SHROOM4: variants seen among roughly 807,000 people sequenced by gnomAD.
SHROOM4 encodes protein Shroom4.
In SHROOM4, 17 loss-of-function variants were observed where a neutral mutation model predicts 80.3. The ratio of observed to expected loss-of-function variants is 0.21; its 90% CI spans 0.14 to 0.32. The LOEUF is 0.32. Among genes scored for constraint, SHROOM4 ranks in the 10% least tolerant of loss-of-function variants. The pLI is 1.00. For synonymous variants in SHROOM4, 400 were observed against 437.5 expected (o/e 0.91, Z 1.07); for missense variants, 993 against 1,140.3 (o/e 0.87, Z 1.86).
At chrX:50,753,350 C>G (rs1161405676) in intron 1 of SHROOM4, among the ~76,000 whole-genome samples, 1 of 112,274 alleles carries the variant, frequency 8.9e-6, no homozygotes, top group Non-Finnish European at 1.9e-5. Context: ...GGGTTTTAAT[C>G]TCATAATTTG....
chrX:50,597,664 T>A (rs1240984515), intron 8 of SHROOM4, among the ~76,000 whole-genome samples: 5 of 111,327 alleles, frequency 4.5e-5, no homozygotes, highest in African/African-American at 1.6e-4. Context: ...TAAACTAATT[T>A]AATTCTCACA....
At chrX:50,740,940 T>C (rs1174289744) in intron 1 of SHROOM4, among the ~76,000 whole-genome samples, 1 of 111,978 alleles carries the variant, frequency 8.9e-6, no homozygotes, top group Non-Finnish European at 1.9e-5. Context: ...ATTTAAGTCT[T>C]TAATCTATTT....
Position 50,607,410 on chromosome X carries a change from T to C in SHROOM4, c.3732A>G (p.Thr1244=), listed in dbSNP as rs781905478. 6 of 1,211,673 alleles carry C rather than the reference T, an allele frequency of 5.0e-6. No individual in the cohort carries two copies. Among genetic ancestry groups the C allele is most frequent in the Non-Finnish European group, 6.7e-6 (6 of 895,499 alleles). The change falls in exon 6 of 9, where the codon ACA becomes ACG. Residue 1244 remains threonine (T), a synonymous_variant. Transcript: ENST00000376020. ...CYYGIGGLWR[T]SGQEATESAK... is the part of the protein sequence containing the mutation. ...CGGATTCAGTGGCTTCCTGTCCCGATGTCCTCCAAAGCCCACCAATGCCAT... is the reference window on the plus strand; with the variant it reads ...CGGATTCAGTGGCTTCCTGTCCCGACGTCCTCCAAAGCCCACCAATGCCAT...
At chrX:50,683,213 T>G (rs1932981374) in intron 2 of SHROOM4, among the ~76,000 whole-genome samples, 1 of 111,574 alleles carries the variant, frequency 9.0e-6, no homozygotes, top group South Asian at 3.8e-4. Context: ...GTTCTGTCCC[T>G]CTAGAGAACT....
In SHROOM4 at chrX:50,597,065, G is replaced by A. The variant is rs782572048; in HGVS notation, c.4213-101C>T. 3.0e-6 allele frequency: 3 copies of A among 1,004,764 alleles called. No individual in the cohort carries two copies. The African/African-American group carries it at 5.6e-5, about 19-fold the overall frequency. 82.8% of individuals were successfully genotyped at this position (1,004,764 alleles called of 1,213,427 possible). Reference sequence around the variant, plus strand: ...CCACCAGAGATGCTGCCACAAAGCAGCTATACATTCTGCTAATTAGTCAGT... The same window carrying A: ...CCACCAGAGATGCTGCCACAAAGCAACTATACATTCTGCTAATTAGTCAGT... On this transcript the variant is annotated intron_variant, in intron 8 of 8. Transcript: ENST00000376020.
In SHROOM4 at chrX:50,594,993, G is replaced by A; in HGVS notation, c.*1702C>T. ...AAATGGAAGCTAGTGACAAGTATTT[G>A]TAACAGCAGCAAAAGTTCCTTGGCA... On this transcript the variant is annotated 3_prime_UTR_variant, in exon 9 of 9. Transcript: ENST00000376020. 1 of 112,575 alleles carries A rather than the reference G, an allele frequency of 8.9e-6. No individual in the cohort carries two copies. 9.3% of individuals were successfully genotyped at this position (112,575 alleles called of 1,213,427 possible). A position where few individuals can be genotyped will look rare whatever the true frequency, so the allele number is the denominator to read the frequency against.
intron 5 of SHROOM4, among the ~76,000 whole-genome samples, chrX:50,623,522 A>AT (rs782806929): frequency 8.9e-6 from 1 of 112,093 alleles, no homozygotes; most frequent in East Asian, 2.8e-4. Flanking sequence ...CACAGTAACA[A>AT]TTAATCTTTG....
chrX:50,795,124 TATGATATATATATATATATATG>T lies in SHROOM4; in HGVS notation c.117+18756_117+18777del, dbSNP rs1935964140. Reference sequence around the variant, plus strand: ...ATGATATATATATATGATATATATATATGATATATATATATATATATGATATATATATATATATATATGATAT... The same window carrying T: ...ATGATATATATATATGATATATATATATATATATATATATATATATGATAT... On this transcript the variant is annotated intron_variant, in intron 1 of 8. Transcript: ENST00000376020. 1.1e-3 allele frequency among the ~76,000 whole-genome samples: 5 copies of T among 4,519 alleles called. 1 individual carries two copies. The highest frequency in any genetic ancestry group is 6.0e-3 in the Admixed American group (1 of 166). 3.9% of individuals were successfully genotyped at this position (4,519 alleles called of 115,157 possible).
downstream of SHROOM4, among the ~76,000 whole-genome samples, chrX:50,583,870 G>A (rs1241348089): frequency 1.8e-5 from 2 of 112,221 alleles, no homozygotes; most frequent in African/African-American, 6.5e-5. Context: ...GTTAAGTAGA[G>A]GACACAGTTA....
At chrX:50,585,415 A>G (rs148463177), downstream of SHROOM4, among the ~76,000 whole-genome samples, 1,424 of 110,920 alleles carry the variant, frequency 0.013, 19 homozygotes, top group African/African-American at 0.04. Flanking sequence ...TTTTGAGTGT[A>G]TAGAGGGATG....
chrX:50,681,607 T>C (rs1932941930), intron 2 of SHROOM4, among the ~76,000 whole-genome samples: 1 of 112,210 alleles, frequency 8.9e-6, no homozygotes, highest in Non-Finnish European at 1.9e-5. Flanking sequence ...CTGCTGCTCC[T>C]ACCACACCCA....
chrX:50,651,651 T>C, intron 2 of SHROOM4, among the ~76,000 whole-genome samples: 1 of 111,612 alleles, frequency 9.0e-6, no homozygotes, highest in Non-Finnish European at 1.9e-5. Flanking sequence ...GTTACATTGG[T>C]ATACACGTGT....
intron 2 of SHROOM4, among the ~76,000 whole-genome samples, chrX:50,674,453 C>T (rs1932830926): frequency 9.0e-6 from 1 of 110,957 alleles, no homozygotes; most frequent in Non-Finnish European, 1.9e-5. Context: ...GACAAAGTTG[C>T]AAAAGCAATT....
At position 50,634,103 on chromosome X, in the gene SHROOM4, C is replaced by T. The variant is rs201191407; in HGVS notation, c.1970G>A (p.Ser657Asn). The stretch of plus-strand genomic sequence containing the variant: ...GGAAGACCTAGCTCTGAGCATCATG[C>T]TTTTGTTGAAGAGCTTGTCTCTGGG... ...PSPRDKLFNK[S>N]MMLRARSSEC... Residue 657 changes from serine to asparagine, a missense_variant, in exon 4 of 9, where the codon AGC becomes AAC. Ser to Asn is a conservative substitution (Grantham distance 46). Coordinates refer to ENST00000376020, the MANE Select transcript of SHROOM4 (RefSeq NM_020717.5). 17 of 1,209,894 alleles carry T rather than the reference C, an allele frequency of 1.4e-5. No homozygotes were observed. In the African/African-American group the frequency reaches 1.6e-4, roughly 11 times the overall value.
chrX:50,684,951 GC>G (rs1269468067), intron 2 of SHROOM4, among the ~76,000 whole-genome samples: 2 of 112,108 alleles, frequency 1.8e-5, no homozygotes, highest in Non-Finnish European at 3.8e-5. Flanking sequence ...GGCAGTTGGA[GC>G]TTTTTTGAGA....
chrX:50,640,413 C>T (rs191151289), intron 2 of SHROOM4, among the ~76,000 whole-genome samples: 1 of 108,399 alleles, frequency 9.2e-6, no homozygotes. Context: ...CCTACCCCCC[C>T]TCCATTTTCA....
intron 1 of SHROOM4, among the ~76,000 whole-genome samples, chrX:50,795,133 T>TG (rs1259099234): frequency 1.4e-3 from 4 of 2,958 alleles, no homozygotes; most frequent in African/African-American, 2.1e-3. Context: ...ATATGATATA[T>TG]ATATATATAT....
chrX:50,624,656 A>G (rs1284556269), intron 5 of SHROOM4, among the ~76,000 whole-genome samples: 1 of 97,118 alleles, frequency 1.0e-5, no homozygotes, highest in Non-Finnish European at 2.0e-5. Flanking sequence ...TCTGTCACCC[A>G]GGATGGAATG....
At chrX:50,667,238 G>A (rs1175934398) in intron 2 of SHROOM4, among the ~76,000 whole-genome samples, 1 of 111,634 alleles carries the variant, frequency 9.0e-6, no homozygotes, top group Non-Finnish European at 1.9e-5. Context: ...GCTTGAAGTT[G>A]TTAAGTAATA....
Sources: allele counts gnomAD v4.1 joint callset (sites outside exome capture counted in the v4.1 genomes callset), GRCh38; gene constraint gnomAD v4.1.1; transcripts MANE v1.5; gene names NCBI Gene and HGNC (gene_info 2026-07-23, HGNC 2026-07-21).